The following TENM3 variants were observed in gnomAD, a reference collection of about 807,000 sequenced individuals.
TENM3 encodes the protein teneurin-3.
TENM3 carries 63 observed loss-of-function variants against 255.1 expected under a neutral mutation model. The ratio of observed to expected loss-of-function variants is 0.25; its 90% CI spans 0.20 to 0.30. The LOEUF is 0.30. TENM3 is among the 10% of genes least tolerant of loss of function. The pLI is 1.00. For missense variants in TENM3, 2,929 were observed against 3,461.1 expected (o/e 0.85, Z 3.86); for synonymous variants, 1,306 against 1,322.3 (o/e 0.99, Z 0.27).
chr4:182,336,222 A>G (rs1764128448), intron 2 of TENM3, among the ~76,000 whole-genome samples: 1 of 152,176 alleles, frequency 6.6e-6, no homozygotes, highest in South Asian at 2.1e-4. Flanking sequence ...TGTGTGTTCC[A>G]TCTTGGCATC....
At position 182,621,671 on chromosome 4, in the gene TENM3, T is replaced by C. The variant is rs1192511083; in HGVS notation, c.750-6980T>C. ...ATATTATAATATATAATATGTATTA[T>C]ATATATAAAATATATAATATATATT... On this transcript the variant is annotated intron_variant, in intron 4 of 27. Coordinates refer to ENST00000511685, the MANE Select transcript of TENM3 (RefSeq NM_001080477.4). Among the ~76,000 whole-genome samples the C allele has an allele frequency of 1.8e-3, 104 of 56,894 alleles. 2 individuals carry two copies. Among genetic ancestry groups the C allele is most frequent in the Admixed American group, 2.9e-3 (11 of 3,840 alleles). The allele number at this position is 56,894 out of a possible 152,430, so 37.3% of individuals were successfully genotyped here. A position where few individuals can be genotyped will look rare whatever the true frequency, so the allele number is the denominator to read the frequency against.
At chr4:181,637,566 T>A in the TENM3 span, among the ~76,000 whole-genome samples, 1 of 152,188 alleles carries the variant, frequency 6.6e-6, no homozygotes, top group Non-Finnish European at 1.5e-5. Flanking sequence ...ATCTTCACAC[T>A]GTGGGAGGAA....
chr4:181,805,147 A>G, the TENM3 span, among the ~76,000 whole-genome samples: 4 of 152,152 alleles, frequency 2.6e-5, no homozygotes, highest in Non-Finnish European at 4.4e-5. Context: ...GATCATATGA[A>G]CATCCTTCCC....
At chr4:182,649,291 T>C (rs899952070) in intron 5 of TENM3, among the ~76,000 whole-genome samples, 3 of 150,604 alleles carry the variant, frequency 2.0e-5, no homozygotes, top group African/African-American at 7.3e-5. Flanking sequence ...ATGGGGCAAA[T>C]ATAATCATTC....
At chr4:182,202,593 C>T (rs1754261249) in intron 1 of TENM3, among the ~76,000 whole-genome samples, 1 of 152,078 alleles carries the variant, frequency 6.6e-6, no homozygotes, top group South Asian at 2.1e-4. Flanking sequence ...TTGTGAGCCA[C>T]CACGCCTGGC....
At chr4:182,589,492 A>T (rs1246233628) in intron 3 of TENM3, among the ~76,000 whole-genome samples, 2 of 109,120 alleles carry the variant, frequency 1.8e-5, no homozygotes, top group Non-Finnish European at 3.7e-5. Context: ...GAACATGCTT[A>T]CAATTTTATC....
chr4:181,647,246 A>G, the TENM3 span, among the ~76,000 whole-genome samples: 70 of 152,356 alleles, frequency 4.6e-4, 1 homozygote, highest in Middle Eastern at 3.4e-3. Flanking sequence ...GACGTTGGAT[A>G]TATGTGTGTG....
At chr4:181,755,231 C>G in the TENM3 span, among the ~76,000 whole-genome samples, 2 of 152,150 alleles carry the variant, frequency 1.3e-5, no homozygotes, top group African/African-American at 4.8e-5. Flanking sequence ...TCCAATTGTT[C>G]ACCATTCACT....
chr4:182,512,154 A>G (rs893325021), intron 3 of TENM3, among the ~76,000 whole-genome samples: 2 of 152,188 alleles, frequency 1.3e-5, no homozygotes, highest in Non-Finnish European at 2.9e-5. Context: ...CTTCCTTGAT[A>G]AGGCTACATT....
chr4:182,291,004 A>G (rs1214091373), intron 1 of TENM3, among the ~76,000 whole-genome samples: 1 of 151,972 alleles, frequency 6.6e-6, no homozygotes, highest in Non-Finnish European at 1.5e-5. Flanking sequence ...TATTTTTAGT[A>G]GAGATGGGGT....
intron 2 of TENM3, among the ~76,000 whole-genome samples, chr4:182,345,152 T>A (rs1166743600): frequency 2.0e-5 from 3 of 152,158 alleles, no homozygotes; most frequent in African/African-American, 7.2e-5. Flanking sequence ...CATTTGGAAG[T>A]CTGACCGAGA....
At chr4:182,073,099 C>T in the TENM3 span, among the ~76,000 whole-genome samples, 1 of 152,188 alleles carries the variant, frequency 6.6e-6, no homozygotes, top group Non-Finnish European at 1.5e-5. Flanking sequence ...GACTGATTCA[C>T]AGTTCTGCAT....
chr4:181,478,336 T>C, the TENM3 span, among the ~76,000 whole-genome samples: 7 of 152,238 alleles, frequency 4.6e-5, no homozygotes, highest in African/African-American at 1.7e-4. Flanking sequence ...CATACATTAG[T>C]ATAGTCTTTC....
chr4:182,300,018 C>T (rs530418836), intron 1 of TENM3, among the ~76,000 whole-genome samples: 3 of 151,574 alleles, frequency 2.0e-5, no homozygotes, highest in South Asian at 2.1e-4. Context: ...TGGGTTCAAG[C>T]GATTCTCGTG....
At chr4:181,832,014 GTGTA>G in the TENM3 span, among the ~76,000 whole-genome samples, 4 of 136,258 alleles carry the variant, frequency 2.9e-5, no homozygotes, top group East Asian at 9.0e-4. Flanking sequence ...GTGTGTGTGT[GTGTA>G]TAAAATGTAA....
chr4:182,467,699 A>G (rs1732727596), intron 3 of TENM3, among the ~76,000 whole-genome samples: 1 of 152,180 alleles, frequency 6.6e-6, no homozygotes, highest in Non-Finnish European at 1.5e-5. Context: ...TGTCTGGCCT[A>G]CAACTCCACT....
chr4:182,573,932 G>T (rs1278680177), intron 3 of TENM3, among the ~76,000 whole-genome samples: 2 of 151,946 alleles, frequency 1.3e-5, no homozygotes, highest in Non-Finnish European at 2.9e-5. Context: ...TGTATATTTT[G>T]TTGTTCAGGA....
chr4:182,199,481 G>A (rs1754043554), intron 1 of TENM3, among the ~76,000 whole-genome samples: 1 of 152,098 alleles, frequency 6.6e-6, no homozygotes. Flanking sequence ...AGTATCTTAG[G>A]AGCAAAAATC....
chr4:182,438,025 T>C (rs1183468898), intron 3 of TENM3, among the ~76,000 whole-genome samples: 2 of 152,142 alleles, frequency 1.3e-5, no homozygotes, highest in Admixed American at 6.5e-5. Context: ...AGGAACCTCC[T>C]GGATGGCCAT....
Sources: gnomAD v4.1 joint callset for allele counts (sites outside exome capture counted in the v4.1 genomes callset) on GRCh38, gnomAD v4.1.1 for gene constraint, MANE v1.5 for transcripts, NCBI Gene and HGNC (gene_info 2026-07-23, HGNC 2026-07-21) for gene names.